IRF3: variants seen among roughly 807,000 people sequenced by gnomAD.
IRF3 encodes the protein interferon regulatory factor 3.
IRF3 carries 29 observed loss-of-function variants against 43.2 expected under a neutral mutation model. The observed-to-expected ratio is 0.67, with a 90% CI of 0.50 to 0.91. IRF3 has a LOEUF of 0.91. IRF3 is among the 40% of genes least tolerant of loss of function. IRF3 has a pLI of 0.00. For missense variants in IRF3, 505 were observed against 559.1 expected (o/e 0.90, Z 0.98); for synonymous variants, 228 against 233.9 (o/e 0.97, Z 0.23).
At position 49,662,364 on chromosome 19, in the gene IRF3, G is replaced by C. The variant is rs750133697; in HGVS notation, c.602-36C>G. 15 of 1,607,686 alleles carry C rather than the reference G, an allele frequency of 9.3e-6. No individual in the cohort carries two copies. In the South Asian group the frequency reaches 1.5e-4, roughly 17 times the overall value. On this transcript the variant is annotated intron_variant, in intron 5 of 7. Coordinates refer to ENST00000377139, the MANE Select transcript of IRF3 (RefSeq NM_001571.6). Reference sequence around the variant, plus strand: ...GCAGCAGCGGCATGAAGGGGAGAGGGGTTGAGAATCAGGGGCTGCCGCCCA... The same window carrying C: ...GCAGCAGCGGCATGAAGGGGAGAGGCGTTGAGAATCAGGGGCTGCCGCCCA...
Position 49,660,924 on chromosome 19 carries a change from C to T in IRF3, c.983-96G>A, listed in dbSNP as rs540209316. On this transcript the variant is annotated intron_variant, in intron 6 of 7. Transcript: ENST00000377139. ...GATAACCCCCACCACCTCCCCTGAC[C>T]TAAGGCCCTCTGCTGCCTCGACCAG... is the stretch of plus-strand genomic sequence containing the variant. 42 of 1,390,928 alleles carry T rather than the reference C, an allele frequency of 3.0e-5. 1 individual carries two copies. In the South Asian group the frequency reaches 5.1e-4, roughly 17 times the overall value. The allele number at this position is 1,390,928 out of a possible 1,614,324, so 86.2% of individuals were successfully genotyped here. A position where few individuals can be genotyped will look rare whatever the true frequency, so the allele number is the denominator to read the frequency against.
chr19:49,660,236 G>A (rs759922096), intron 7 of IRF3, among the ~76,000 whole-genome samples: 3 of 152,104 alleles, frequency 2.0e-5, no homozygotes, highest in Admixed American at 6.5e-5. Context: ...ACCCCCCTAC[G>A]GCTTGTTAGG....
chr19:49,663,100 G>A (rs555085172), intron 4 of IRF3, 88 bp downstream of exon 4: 1 of 1,164,164 alleles, frequency 8.6e-7, no homozygotes, highest in Admixed American at 1.7e-5. Context: ...TGGAGGCAGG[G>A]GAGTGGGGGG....
rs1329870637 is a variant in IRF3, at chr19:49,659,605, T to C, written c.*43A>G. 4 of 1,579,300 alleles carry C rather than the reference T, an allele frequency of 2.5e-6. No homozygotes were observed. The African/African-American group carries it at 4.1e-5, about 16-fold the overall frequency. On this transcript the variant is annotated 3_prime_UTR_variant, in exon 8 of 8. Coordinates refer to ENST00000377139, the MANE Select transcript of IRF3 (RefSeq NM_001571.6). ...GGAACCAGTTTATTGGTTGAGGTGG[T>C]GGGGAACAGGGGGGTTGGAGGCACA...
In IRF3 at chr19:49,665,673, C is replaced by G. The variant is rs973633918; in HGVS notation, c.-51G>C. 1.1e-5 allele frequency: 12 copies of G among 1,083,746 alleles called. No homozygotes were observed. Among genetic ancestry groups the G allele is most frequent in the East Asian group, 9.8e-5 (4 of 40,986 alleles). 67.1% of individuals were successfully genotyped at this position (1,083,746 alleles called of 1,614,324 possible). On this transcript the variant is annotated 5_prime_UTR_variant, in exon 1 of 8. Coordinates refer to ENST00000377139, the MANE Select transcript of IRF3 (RefSeq NM_001571.6). ...GGCGTGCGGGCAGCTGGAACCCACC[C>G]CTGTCTTGGAGCTCCGGGTAGCTCT...
rs754349455 is a variant in IRF3 at position 49,659,604 on chromosome 19, G to T, written c.*44C>A. The T allele has an allele frequency of 3.8e-6, 6 of 1,579,552 alleles. No individual in the cohort carries two copies. The African/African-American group carries it at 4.1e-5, about 11-fold the overall frequency. On this transcript the variant is annotated 3_prime_UTR_variant, in exon 8 of 8. Coordinates refer to ENST00000377139, the MANE Select transcript of IRF3 (RefSeq NM_001571.6). Reference sequence around the variant, plus strand: ...AGGAACCAGTTTATTGGTTGAGGTGGTGGGGAACAGGGGGGTTGGAGGCAC... The same window carrying T: ...AGGAACCAGTTTATTGGTTGAGGTGTTGGGGAACAGGGGGGTTGGAGGCAC...
At chr19:49,664,552 C>G (rs1244322062) in intron 2 of IRF3, 122 bp downstream of exon 2, 2 of 1,601,842 alleles carry the variant, frequency 1.2e-6, no homozygotes, top group Non-Finnish European at 1.7e-6. Context: ...GCCCCACCCA[C>G]CAGCGTTGGC....
intron 7 of IRF3, among the ~76,000 whole-genome samples, chr19:49,660,093 A>AACACACACACAC (rs140415851): frequency 2.3e-5 from 3 of 130,592 alleles, no homozygotes; most frequent in Non-Finnish European, 4.7e-5. Flanking sequence ...CACACACACA[A>AACACACACACAC]ACACACACAC....
At position 49,664,878 on chromosome 19, in the gene IRF3, C is replaced by A. The variant is rs759090501; in HGVS notation, c.-8-32G>T. Reference sequence around the variant, plus strand: ...GTATAGGGCATTTCCTGGGCGCGACCGGCCTCCCCCGGACCCACCTGGCCT... The same window carrying A: ...GTATAGGGCATTTCCTGGGCGCGACAGGCCTCCCCCGGACCCACCTGGCCT... On this transcript the variant is annotated intron_variant, in intron 1 of 7. Coordinates refer to ENST00000377139, the MANE Select transcript of IRF3 (RefSeq NM_001571.6). 2.1e-5 allele frequency: 34 copies of A among 1,584,454 alleles called. No individual in the cohort carries two copies. In the South Asian group the frequency reaches 3.8e-4, roughly 18 times the overall value.
rs1302469100 is a variant in IRF3, at chr19:49,660,015, ACACACACACACACC to A, written c.1099-196_1099-183del. On this transcript the variant is annotated intron_variant, in intron 7 of 7. Transcript: ENST00000377139. ...CACACACACACACACACACACACAC[ACACACACACACACC>A]CCCTGCTGTAACTGAACCATAGGCC... Among the ~76,000 whole-genome samples the A allele has an allele frequency of 1.2e-4, 15 of 121,206 alleles. 3 individuals are homozygous for A. The highest frequency in any genetic ancestry group is 5.8e-4 in the African/African-American group (14 of 23,946). 79.5% of individuals were successfully genotyped at this position (121,206 alleles called of 152,430 possible).
chr19:49,664,650 A>G, intron 2 of IRF3, 24 bp downstream of exon 2: 1 of 1,609,470 alleles, frequency 6.2e-7, no homozygotes. Context: ...CCGGGTTTCC[A>G]GCGTCCCAGG....
intron 2 of IRF3, 46 bp from the exon 3 acceptor site, chr19:49,663,560 T>A: frequency 6.3e-7 from 1 of 1,594,668 alleles, no homozygotes; most frequent in South Asian, 1.1e-5. Context: ...ACGACTTAGA[T>A]CCTGCTCCTG....
intron 2 of IRF3, 30 bp downstream of exon 2, chr19:49,664,644 G>A (rs2081568772): frequency 5.6e-6 from 9 of 1,610,412 alleles, no homozygotes; most frequent in Non-Finnish European, 6.8e-6. Flanking sequence ...GCAGCTCCGG[G>A]TTTCCAGCGT....
At chr19:49,659,998 C>CATAT (rs1370491180) in intron 7 of IRF3, among the ~76,000 whole-genome samples, 165 bp from the exon 8 acceptor site, 45 of 83,820 alleles carry the variant, frequency 5.4e-4, no homozygotes, top group African/African-American at 2.4e-3. Context: ...CACACACACA[C>CATAT]ACACACACAC....
In IRF3 at chr19:49,662,211, C is replaced by G. The variant is rs748995672; in HGVS notation, c.719G>C (p.Gly240Ala). ...AGGGTCTGGCAGTGTGACTGGCCAT[C>G]CAGGCAGCGTCCTGTCTCCCACTTC... is the stretch of plus-strand genomic sequence containing the variant. ...GSEVGDRTLP[G>A]WPVTLPDPGM... Residue 240 changes from glycine (G) to alanine (A), a missense_variant, in exon 6 of 8, where the codon GGA becomes GCA. By Grantham distance (60) the Gly-to-Ala change is moderately conservative (BLOSUM62 0). Coordinates refer to ENST00000377139, the MANE Select transcript of IRF3 (RefSeq NM_001571.6). 1 of 1,614,070 alleles carries G rather than the reference C, an allele frequency of 6.2e-7. No homozygotes were observed.
At chr19:49,664,568 C>G (rs2081556816) in intron 2 of IRF3, 106 bp downstream of exon 2, 5 of 1,606,980 alleles carry the variant, frequency 3.1e-6, no homozygotes, top group South Asian at 1.1e-5. Flanking sequence ...TTGGCACGAG[C>G]CCGCCCCTCG....
chr19:49,661,253 C>G (rs2081314791), intron 6 of IRF3, among the ~76,000 whole-genome samples: 1 of 152,180 alleles, frequency 6.6e-6, no homozygotes, highest in African/African-American at 2.4e-5. Context: ...GTGCTTGGCC[C>G]CTGTGGCTAG....
chr19:49,662,038 C>T lies in IRF3; in HGVS notation c.892G>A (p.Glu298Lys), dbSNP rs1295157537. The T allele has an allele frequency of 6.2e-7, 1 of 1,614,182 alleles. No homozygotes were observed. Among genetic ancestry groups the T allele is most frequent in the Non-Finnish European group, 8.5e-7 (1 of 1,180,008 alleles). ...HCHTYWAVSE[E>K]LLPNSGHGPD... ...CCATGCCCGCTGTTGGGGAGCAGCT[C>T]CTCGCTCACTGCCCAGTATGTGTGG... The change falls in exon 6 of 8, where the codon GAG becomes AAG. Residue 298 changes from glutamate to lysine, a missense_variant. By Grantham distance (56) the Glu-to-Lys change is moderately conservative. Coordinates refer to ENST00000377139, the MANE Select transcript of IRF3 (RefSeq NM_001571.6).
intron 4 of IRF3, among the ~76,000 whole-genome samples, chr19:49,662,939 A>G (rs187038923): frequency 2.0e-5 from 3 of 152,346 alleles, no homozygotes; most frequent in African/African-American, 7.2e-5. Context: ...TCAGTTCCCA[A>G]GAGGCTGACA....
Sources: allele counts gnomAD v4.1 joint callset (sites outside exome capture counted in the v4.1 genomes callset), GRCh38; gene constraint gnomAD v4.1.1; transcripts MANE v1.5; gene names NCBI Gene and HGNC (gene_info 2026-07-23, HGNC 2026-07-21).